Variants in ANKMY1 observed in about 807,000 individuals in gnomAD.
ANKMY1 encodes the protein ankyrin repeat and MYND domain-containing protein 1.
A neutral mutation model predicts 102.0 loss-of-function variants in ANKMY1; 98 were observed. The observed-to-expected ratio is 0.96, with a 90% CI of 0.82 to 1.14. The LOEUF is 1.14. Among genes scored for constraint, ANKMY1 ranks in the 50% most tolerant of loss-of-function variants. ANKMY1 has a pLI of 0.00. For synonymous variants in ANKMY1, 582 were observed against 559.9 expected, an observed-to-expected ratio of 1.04 and a Z score of -0.56; for missense variants, 1,330 against 1,347.6, an observed-to-expected ratio of 0.99 and a Z score of 0.20.
At chr2:240,527,585 G>T (rs2083945467) in intron 5 of ANKMY1, 1 of 152,058 alleles carries the variant, frequency 6.6e-6, no homozygotes, top group African/African-American at 2.4e-5. Flanking sequence ...GTAGGTGGGT[G>T]GGTAGATGAG....
At chr2:240,496,398 AGATAGATAGATAGATG>A (rs1170805616) in intron 15 of ANKMY1, among the ~76,000 whole-genome samples, 34 of 137,614 alleles carry the variant, frequency 2.5e-4, no homozygotes, top group Non-Finnish European at 3.2e-5. Context: ...ATAGATAGAT[AGATAGATAGATAGATG>A]TGCTTGATGG....
intron 13 of ANKMY1, 109 bp from the exon 14 acceptor site, chr2:240,500,674 G>C: frequency 2.3e-6 from 2 of 880,702 alleles, no homozygotes; most frequent in Non-Finnish European, 3.6e-6. Flanking sequence ...CACCAAGGCC[G>C]CCCTTGCAGT....
At position 240,529,130 on chromosome 2, in the gene ANKMY1, T is replaced by C. The variant is rs1242701021; in HGVS notation, c.860A>G (p.Glu287Gly). ...KELDARIFLN[E>G]IPPFVEDGEP... ...TCCATCCTCAACGAACGGAGGAATTTCATTGAGGAAGATGCGGGCGTCCAG... is the reference window on the plus strand; with the variant it reads ...TCCATCCTCAACGAACGGAGGAATTCCATTGAGGAAGATGCGGGCGTCCAG... Residue 287 changes from glutamate (E) to glycine (G), a missense_variant, in exon 5 of 18, where the codon GAA (glutamate) becomes GGA (glycine). Transcript: ENST00000401804. The surrounding 1 kb of genome is among the most constrained non-coding windows in gnomAD (Gnocchi z 4.2). 1.9e-6 allele frequency: 3 copies of C among 1,614,204 alleles called. No individual in the cohort carries two copies. The highest frequency in any genetic ancestry group is 2.5e-6 in the Non-Finnish European group (3 of 1,180,038).
chr2:240,556,243 A>G (rs1011888096), intron 2 of ANKMY1, among the ~76,000 whole-genome samples: 1 of 152,212 alleles, frequency 6.6e-6, no homozygotes, highest in East Asian at 1.9e-4. Flanking sequence ...GGCCATGAAA[A>G]TATGGGACAA....
At chr2:240,477,415 AGTT>A (rs1235552514), downstream of ANKMY1, among the ~76,000 whole-genome samples, 3 of 152,244 alleles carry the variant, frequency 2.0e-5, no homozygotes, top group Admixed American at 2.0e-4. Context: ...TTTAAAAATT[AGTT>A]GTTAGCATCT....
chr2:240,472,826 G>A, the ANKMY1 span, among the ~76,000 whole-genome samples: 1 of 152,144 alleles, frequency 6.6e-6, no homozygotes, highest in Non-Finnish European at 1.5e-5. Flanking sequence ...TAAAGAATCA[G>A]GCCAACATGA....
intron 9 of ANKMY1, among the ~76,000 whole-genome samples, chr2:240,514,678 G>T (rs2080869237): frequency 1.3e-5 from 2 of 152,268 alleles, no homozygotes; most frequent in Admixed American, 1.3e-4. Context: ...GAATCCAAGA[G>T]GAAGCTGCAA....
At chr2:240,507,140 T>C (rs866419789) in intron 13 of ANKMY1, among the ~76,000 whole-genome samples, 8 of 152,168 alleles carry the variant, frequency 5.3e-5, no homozygotes, top group Middle Eastern at 3.4e-3. Flanking sequence ...TCATATTTTT[T>C]AAGGCCTGTA....
chr2:240,547,166 C>G (rs1435350692), intron 4 of ANKMY1, among the ~76,000 whole-genome samples: 2 of 152,226 alleles, frequency 1.3e-5, no homozygotes, highest in African/African-American at 4.8e-5. Context: ...ACTATCCTCT[C>G]AGACCACAGT....
At chr2:240,527,371 G>T (rs796117682) in intron 5 of ANKMY1, 1 of 3,382 alleles carries the variant, frequency 3.0e-4, no homozygotes, top group Admixed American at 5.0e-3. Context: ...AATGGATGTT[G>T]CATGGGTAGA....
At chr2:240,554,826 GC>G (rs1399955787) in intron 3 of ANKMY1, 39 bp downstream of exon 3, 10 of 1,607,972 alleles carry the variant, frequency 6.2e-6, no homozygotes, top group Non-Finnish European at 8.5e-6. Flanking sequence ...GCCACCAGAG[GC>G]CCTAGGGGAG....
At chr2:240,514,841 G>T (rs1161250581) in intron 9 of ANKMY1, among the ~76,000 whole-genome samples, 1 of 152,160 alleles carries the variant, frequency 6.6e-6, no homozygotes, top group East Asian at 1.9e-4. Flanking sequence ...GTCAGCAGCT[G>T]CCTGGAACCT....
chr2:240,498,413 G>A (rs930923613), intron 15 of ANKMY1, among the ~76,000 whole-genome samples: 5 of 151,434 alleles, frequency 3.3e-5, no homozygotes, highest in Non-Finnish European at 5.9e-5. Context: ...GGTGGGATGC[G>A]GGGAAGCAGT....
chr2:240,509,233 A>ATGGC (rs2152143484), intron 12 of ANKMY1, 115 bp downstream of exon 12: 1 of 787,238 alleles, frequency 1.3e-6, no homozygotes, highest in Non-Finnish European at 1.9e-6. Flanking sequence ...GAATGGATGG[A>ATGGC]TGGATGGATG....
chr2:240,541,501 GC>G (rs1221195423), intron 4 of ANKMY1, among the ~76,000 whole-genome samples: 2 of 141,974 alleles, frequency 1.4e-5, no homozygotes, highest in African/African-American at 5.2e-5. Flanking sequence ...TTATGTTGTT[GC>G]TTTTTTTTTT....
chr2:240,517,560 A>G (rs2081401382), intron 9 of ANKMY1, among the ~76,000 whole-genome samples: 1 of 152,242 alleles, frequency 6.6e-6, no homozygotes, highest in Non-Finnish European at 1.5e-5. Flanking sequence ...CTGTAACCCT[A>G]GCACTTCGGG....
chr2:240,553,050 T>C lies in ANKMY1; in HGVS notation c.344A>G (p.His115Arg), dbSNP rs1162151149. Residue 115 changes from histidine (H) to arginine (R), a missense_variant, in exon 4 of 18, where the codon CAT becomes CGT. Transcript: ENST00000401804. ...KFSWPTGESY[H>R]GQFYRDHCHG... ...GCAGTGGTCCCGGTAAAACTGCCCATGGTATGACTGTGAGATGGAGAAGTT... is the reference window on the plus strand; with the variant it reads ...GCAGTGGTCCCGGTAAAACTGCCCACGGTATGACTGTGAGATGGAGAAGTT... 1 of 1,613,332 alleles carries C rather than the reference T, an allele frequency of 6.2e-7. No homozygotes were observed. The highest frequency in any genetic ancestry group is 1.7e-5 in the Admixed American group (1 of 59,986).
chr2:240,525,905 A>AG (rs1417759366), intron 6 of ANKMY1, 56 bp from the exon 7 acceptor site: 2 of 1,588,088 alleles, frequency 1.3e-6, no homozygotes, highest in African/African-American at 2.7e-5. Context: ...AGGGGTGGGA[A>AG]GGGTCACTGG....
chr2:240,500,180 G>A (rs1163823643), intron 14 of ANKMY1, 57 bp from the exon 15 acceptor site: 2 of 1,492,554 alleles, frequency 1.3e-6, no homozygotes, highest in African/African-American at 1.4e-5. Flanking sequence ...CACTGCTGGG[G>A]TGACTCTCGG....
Sources: gnomAD v4.1 joint callset for allele counts (sites outside exome capture counted in the v4.1 genomes callset) on GRCh38, gnomAD v4.1.1 for gene constraint, Gnocchi (gnomAD v3.1) non-coding constraint, MANE v1.5 for transcripts, NCBI Gene and HGNC (gene_info 2026-07-23, HGNC 2026-07-21) for gene names.